Variants in CADM2 observed in about 807,000 individuals in gnomAD.
The protein encoded by CADM2 is cell adhesion molecule 2.
A neutral mutation model predicts 49.8 loss-of-function variants in CADM2; 12 were observed. The ratio of observed to expected loss-of-function variants is 0.24; its 90% CI spans 0.15 to 0.39. The LOEUF is 0.39. Ranked by LOEUF, CADM2 falls within the 10% of genes least tolerant of loss-of-function variation. The probability of loss-of-function intolerance (pLI) is 1.00; values close to 1 mark genes in which losing one functional copy is unlikely to be tolerated. For synonymous variants in CADM2, 214 were observed against 175.4 expected (o/e 1.22, Z -1.74); for missense variants, 378 against 492.3 (o/e 0.77, Z 2.20).
intron 1 of CADM2, among the ~76,000 whole-genome samples, chr3:85,582,648 C>T (rs1430406345): frequency 3.3e-5 from 5 of 152,166 alleles, no homozygotes; most frequent in African/African-American, 9.6e-5. Context: ...ATGAGGACCC[C>T]ATCTTCATAA....
At chr3:85,918,856 G>C (rs1377904566) in intron 6 of CADM2, among the ~76,000 whole-genome samples, 1 of 151,970 alleles carries the variant, frequency 6.6e-6, no homozygotes, top group Non-Finnish European at 1.5e-5. Flanking sequence ...TTATTTGTGA[G>C]TTAATTTTTA....
rs544646830 is a variant in CADM2, at chr3:85,970,068, C to A, written c.970+8421C>A. On this transcript the variant is annotated intron_variant, in intron 8 of 9. Coordinates refer to ENST00000383699, the MANE Select transcript of CADM2 (RefSeq NM_001167675.2). ...GAAATAATTGATATTCCTTGGTCAC[C>A]AAAATAATAACCTTTAGTTTTTATC... is the stretch of plus-strand genomic sequence containing the variant. 4.7e-4 allele frequency among the ~76,000 whole-genome samples: 69 copies of A among 145,570 alleles called. 1 individual carries two copies. Among genetic ancestry groups the A allele is most frequent in the Non-Finnish European group, 9.2e-4 (61 of 66,058 alleles).
intron 1 of CADM2, among the ~76,000 whole-genome samples, chr3:85,166,151 T>C (rs527465979): frequency 1.5e-4 from 23 of 151,934 alleles, no homozygotes; most frequent in African/African-American, 5.1e-4. Flanking sequence ...ATCCACTTTG[T>C]CATATGTAGT....
At chr3:85,979,036 C>T (rs929947788) in intron 8 of CADM2, 16 of 992,408 alleles carry the variant, frequency 1.6e-5, no homozygotes, top group Admixed American at 4.6e-5. Flanking sequence ...AGTTTTGTAC[C>T]TGATATTCTG....
chr3:85,843,811 T>TA (rs2074749087), intron 3 of CADM2, among the ~76,000 whole-genome samples: 1 of 151,948 alleles, frequency 6.6e-6, no homozygotes, highest in South Asian at 2.1e-4. Context: ...GCAAATATGT[T>TA]AGACAATGTT....
chr3:85,965,952 G>A (rs1307133757), intron 8 of CADM2, among the ~76,000 whole-genome samples: 1 of 151,612 alleles, frequency 6.6e-6, no homozygotes, highest in Non-Finnish European at 1.5e-5. Context: ...CTTTGAGAAA[G>A]AACATCTACG....
chr3:84,959,929 C>T (rs936989014), intron 1 of CADM2, among the ~76,000 whole-genome samples: 2 of 152,120 alleles, frequency 1.3e-5, no homozygotes, highest in African/African-American at 4.8e-5. Context: ...GAGCTTCCTT[C>T]ATCTCACTCC....
chr3:84,970,735 C>G (rs1052106236), intron 1 of CADM2, among the ~76,000 whole-genome samples: 1 of 152,024 alleles, frequency 6.6e-6, no homozygotes, highest in Non-Finnish European at 1.5e-5. Context: ...TATATTCTCT[C>G]ATAGCTTCTA....
chr3:85,150,962 G>A (rs1397047923), intron 1 of CADM2, among the ~76,000 whole-genome samples: 6 of 149,082 alleles, frequency 4.0e-5, no homozygotes, highest in African/African-American at 1.5e-4. Flanking sequence ...ATAATTGGAT[G>A]GCAAAGAACC....
intron 7 of CADM2, among the ~76,000 whole-genome samples, chr3:85,955,593 C>T (rs1723957058): frequency 6.6e-6 from 1 of 151,458 alleles, no homozygotes; most frequent in Non-Finnish European, 1.5e-5. Flanking sequence ...AGTACTGTCG[C>T]TATGGTATAA....
chr3:85,662,715 C>T (rs1222547179), intron 1 of CADM2, among the ~76,000 whole-genome samples: 2 of 152,058 alleles, frequency 1.3e-5, no homozygotes, highest in Non-Finnish European at 2.9e-5. Flanking sequence ...TGTTCGTTGA[C>T]ACCTTTTCTT....
chr3:86,065,932 C>T, intron 9 of CADM2, among the ~76,000 whole-genome samples: 1 of 151,792 alleles, frequency 6.6e-6, no homozygotes, highest in East Asian at 1.9e-4. Flanking sequence ...AATGTTTAGC[C>T]AATGGCCAGA....
chr3:85,893,018 C>A (rs908734034), intron 5 of CADM2, among the ~76,000 whole-genome samples: 10 of 152,118 alleles, frequency 6.6e-5, no homozygotes, highest in African/African-American at 2.2e-4. Context: ...AGATGAGAAA[C>A]TTGTTGGGAA....
chr3:85,622,391 A>C (rs1387901173), intron 1 of CADM2, among the ~76,000 whole-genome samples: 1 of 152,146 alleles, frequency 6.6e-6, no homozygotes, highest in Admixed American at 6.6e-5. Context: ...CAAACTAAAA[A>C]ATGCTGTAAA....
chr3:85,227,833 C>T (rs1046706557), intron 1 of CADM2, among the ~76,000 whole-genome samples: 1 of 152,024 alleles, frequency 6.6e-6, no homozygotes, highest in Non-Finnish European at 1.5e-5. Context: ...CAGACCTGTT[C>T]GTGACAAAAT....
intron 8 of CADM2, among the ~76,000 whole-genome samples, chr3:86,034,051 C>G (rs1281323821): frequency 2.0e-5 from 3 of 151,574 alleles, no homozygotes; most frequent in African/African-American, 7.3e-5. Flanking sequence ...ATTTCACTTT[C>G]TGGAATTGCA....
intron 1 of CADM2, among the ~76,000 whole-genome samples, chr3:85,144,620 A>AAAAAGAAAGAAAGAAAGAAAGAAAG (rs373935603): frequency 4.5e-4 from 61 of 136,390 alleles, no homozygotes; most frequent in African/African-American, 1.6e-3. Context: ...TCAAAAAAAA[A>AAAAAGAAAGAAAGAAAGAAAGAAAG]AAAGAAAGAA....
In CADM2 at chr3:84,963,720, C is replaced by A. The variant is rs376775233; in HGVS notation, c.61+4052C>A. 3.9e-5 allele frequency among the ~76,000 whole-genome samples: 6 copies of A among 152,088 alleles called. No individual in the cohort carries two copies. The East Asian group carries it at 1.2e-3, about 29-fold the overall frequency. Reference sequence around the variant, plus strand: ...TACTTGCCTCAGTATCTGTCATGAACCTCACCTTACATTTTTAGAAAGCAC... The same window carrying A: ...TACTTGCCTCAGTATCTGTCATGAAACTCACCTTACATTTTTAGAAAGCAC... On this transcript the variant is annotated intron_variant, in intron 1 of 9. Transcript: ENST00000383699.
intron 3 of CADM2, among the ~76,000 whole-genome samples, chr3:85,817,239 A>G (rs1194985193): frequency 6.7e-6 from 1 of 148,194 alleles, no homozygotes; most frequent in African/African-American, 2.5e-5. Context: ...CTGAAGTACA[A>G]ATGGAAAGTA....
Sources: gnomAD v4.1 joint callset for allele counts (sites outside exome capture counted in the v4.1 genomes callset) on GRCh38, gnomAD v4.1.1 for gene constraint, MANE v1.5 for transcripts, NCBI Gene and HGNC (gene_info 2026-07-23, HGNC 2026-07-21) for gene names.